Variants in ZSCAN12 observed in about 807,000 individuals in gnomAD.
The protein encoded by ZSCAN12 is zinc finger and SCAN domain-containing protein 12.
A neutral mutation model predicts 23.4 loss-of-function variants in ZSCAN12; 18 were observed. The ratio of observed to expected loss-of-function variants is 0.77; its 90% CI spans 0.53 to 1.14. ZSCAN12 has a LOEUF of 1.14. Among genes scored for constraint, ZSCAN12 ranks in the 50% most tolerant of loss-of-function variants. The probability of loss-of-function intolerance (pLI) is 0.00; values close to 1 mark genes in which losing one functional copy is unlikely to be tolerated. For synonymous variants in ZSCAN12, 186 were observed against 253.4 expected, an observed-to-expected ratio of 0.73 and a Z score of 2.53; for missense variants, 650 against 735.0, an observed-to-expected ratio of 0.88 and a Z score of 1.34.
chr6:28,393,078 A>G (rs554182025), intron 2 of ZSCAN12, 32 bp from the exon 3 acceptor site: 123 of 1,547,196 alleles, frequency 7.9e-5, no homozygotes, highest in South Asian at 7.0e-4. Context: ...TGACAGACTC[A>G]CTCTGATAAC....
In ZSCAN12 at chr6:28,390,864, T is replaced by C. The variant is rs199534147; in HGVS notation, c.1426A>G (p.Lys476Glu). ...EKPYKCDVCE[K>E]AFIQRTSLTE... ...AGACTTGTCCTTTGAATAAAGGCTT[T>C]TTCACATACGTCACATTTGTAGGGT... Residue 476 changes from lysine to glutamate, a missense_variant, in exon 4 of 4, where the codon AAA (lysine) becomes GAA (glutamate). Coordinates refer to ENST00000684592, the MANE Select transcript of ZSCAN12 (RefSeq NM_001163391.2). 5.6e-5 allele frequency: 88 copies of C among 1,580,044 alleles called. No individual in the cohort carries two copies. Among genetic ancestry groups the C allele is most frequent in the Non-Finnish European group, 4.0e-5 (47 of 1,162,406 alleles).
Position 28,390,974 on chromosome 6 carries a change from T to C in ZSCAN12, c.1316A>G (p.Glu439Gly). ...LVSHQEIHHK[E>G]KCYQCKECGK... The stretch of plus-strand genomic sequence containing the variant: ...ACATTCCTTACACTGATAGCATTTT[T>C]CTTTGTGGTGGATTTCCTGATGGGA... Residue 439 changes from glutamate to glycine, a missense_variant, in exon 4 of 4, where the codon GAA (glutamate) becomes GGA (glycine). Transcript: ENST00000684592. The C allele has an allele frequency of 1.9e-6, 3 of 1,555,384 alleles. No individual in the cohort carries two copies. The highest frequency in any genetic ancestry group is 2.6e-6 in the Non-Finnish European group (3 of 1,149,000).
chr6:28,391,557 GTTTAT>G lies in ZSCAN12; in HGVS notation c.728_732del (p.Asp243AlafsTer5), dbSNP rs1478763595. ...ACTCCATTTTCATCACAGGTAGGTT[GTTTAT>G]CTTCTCTGGAGCAAGCAGAGGGCTC... On this transcript the variant is annotated frameshift_variant, in exon 4 of 4. Coordinates refer to ENST00000684592, the MANE Select transcript of ZSCAN12 (RefSeq NM_001163391.2). LOFTEE classifies it low-confidence loss of function (END_TRUNC). This position sits in a 1 kb window ranked among gnomAD's most constrained non-coding sequence, Gnocchi z 4.1. 1.4e-5 allele frequency: 21 copies of G among 1,552,260 alleles called. No homozygotes were observed. The highest frequency in any genetic ancestry group is 1.8e-5 in the Non-Finnish European group (21 of 1,147,116).
At position 28,384,825 on chromosome 6, in the gene ZSCAN12, C is replaced by T. The variant is rs760846898; in HGVS notation, c.*5629G>A. On this transcript the variant is annotated 3_prime_UTR_variant, in exon 4 of 4. Transcript: ENST00000684592. ...GACTCCTTACCAAACGCACACAGAA[C>T]GTTTGAGAGGGAGAGGATCCAAAGA... 9.2e-5 allele frequency among the ~76,000 whole-genome samples: 14 copies of T among 152,116 alleles called. No homozygotes were observed. The East Asian group carries it at 2.3e-3, about 25-fold the overall frequency.
Position 28,385,645 on chromosome 6 carries a change from G to A in ZSCAN12, c.*4809C>T, listed in dbSNP as rs1293623150. 6.6e-6 allele frequency among the ~76,000 whole-genome samples: 1 copy of A among 152,192 alleles called. No homozygotes were observed. The highest frequency in any genetic ancestry group is 1.5e-5 in the Non-Finnish European group (1 of 68,022). ...GACCACATACTAACTTCGGGACCTT[G>A]AGCAGCTTTAGATTATCTATTTCAG... On this transcript the variant is annotated 3_prime_UTR_variant, in exon 4 of 4. Coordinates refer to ENST00000684592, the MANE Select transcript of ZSCAN12 (RefSeq NM_001163391.2).
chr6:28,391,620 C>A lies in ZSCAN12; in HGVS notation c.670G>T (p.Gly224Ter). 3.2e-6 allele frequency: 5 copies of A among 1,552,230 alleles called. No individual in the cohort carries two copies. Among genetic ancestry groups the A allele is most frequent in the Non-Finnish European group, 4.4e-6 (5 of 1,147,140 alleles). ...ATTTCTTCAGGTTCACGAGTTTCTC[C>A]ACACCTAGCAGACTTGGACATATCA... ...ENDMSKSARC[G>*]ETREPEEITE... Residue 224 changes from glycine to a stop codon, truncating the protein, a stop_gained, in exon 4 of 4, where the codon GGA (glycine) becomes TGA (stop). Coordinates refer to ENST00000684592, the MANE Select transcript of ZSCAN12 (RefSeq NM_001163391.2). LOFTEE classifies it low-confidence loss of function (END_TRUNC). This position sits in a 1 kb window ranked among gnomAD's most constrained non-coding sequence, Gnocchi z 4.1.
chr6:28,390,386 C>CA lies in ZSCAN12; in HGVS notation c.*67dup. ...AACAATGGTGACTGAAGTTTTGCCC[C>CA]AATAATTGTAAAGCTAAATAGTATT... On this transcript the variant is annotated 3_prime_UTR_variant, in exon 4 of 4. Coordinates refer to ENST00000684592, the MANE Select transcript of ZSCAN12 (RefSeq NM_001163391.2). 7.5e-7 allele frequency: 1 copy of CA among 1,340,650 alleles called. No homozygotes were observed. The highest frequency in any genetic ancestry group is 1.0e-6 in the Non-Finnish European group (1 of 1,002,742). The allele number at this position is 1,340,650 out of a possible 1,614,324, so 83.0% of individuals were successfully genotyped here.
downstream of ZSCAN12, chr6:28,382,384 T>A (rs1452328186): frequency 2.1e-6 from 3 of 1,436,158 alleles, no homozygotes; most frequent in Admixed American, 8.4e-5. Context: ...CAGGTAGCTA[T>A]CTCCAGAGAG....
Position 28,385,343 on chromosome 6 carries a change from A to C in ZSCAN12, c.*5111T>G, listed in dbSNP as rs1307772600. ...TGACACCCTCACTGTGCAGGCAACA[A>C]GAAGTAGAGCTGTTTATGCTGGCCA... On this transcript the variant is annotated 3_prime_UTR_variant, in exon 4 of 4. Transcript: ENST00000684592. 1.3e-5 allele frequency among the ~76,000 whole-genome samples: 2 copies of C among 152,202 alleles called. No individual in the cohort carries two copies. Among genetic ancestry groups the C allele is most frequent in the Non-Finnish European group, 2.9e-5 (2 of 68,030 alleles).
Position 28,387,531 on chromosome 6 carries a change from C to T in ZSCAN12, c.*2923G>A, listed in dbSNP as rs1760609247. Among the ~76,000 whole-genome samples the T allele has an allele frequency of 6.6e-6, 1 of 152,186 alleles. No individual in the cohort carries two copies. Among genetic ancestry groups the T allele is most frequent in the African/African-American group, 2.4e-5 (1 of 41,442 alleles). ...GGTTCTCATCACTAAGTAAAGTCCC[C>T]TCCACTGAGAAGAGTTTCTAACAGT... On this transcript the variant is annotated 3_prime_UTR_variant, in exon 4 of 4. Coordinates refer to ENST00000684592, the MANE Select transcript of ZSCAN12 (RefSeq NM_001163391.2).
downstream of ZSCAN12, chr6:28,381,681 T>TGC (rs1760252850): frequency 6.6e-6 from 1 of 152,206 alleles, no homozygotes; most frequent in Non-Finnish European, 1.5e-5. Flanking sequence ...TCTCCAGAGA[T>TGC]GCTCTCTCAT....
At chr6:28,393,188 AATATAAAT>A in intron 2 of ZSCAN12, 142 bp from the exon 3 acceptor site, 1 of 842,284 alleles carries the variant, frequency 1.2e-6, no homozygotes, top group Non-Finnish European at 1.8e-6. Flanking sequence ...CTTCAAGGCC[AATATAAAT>A]GTCGCCTCCT....
intron 1 of ZSCAN12, among the ~76,000 whole-genome samples, chr6:28,399,265 G>A (rs114478973): frequency 2.2e-4 from 34 of 152,314 alleles, no homozygotes; most frequent in African/African-American, 7.9e-4. Flanking sequence ...GGCTGAAGAG[G>A]TTACTCTTTA....
intron 1 of ZSCAN12, among the ~76,000 whole-genome samples, chr6:28,399,400 A>G (rs1014982400): frequency 2.6e-5 from 4 of 152,234 alleles, no homozygotes; most frequent in African/African-American, 9.7e-5. Flanking sequence ...GTAAGCGCTG[A>G]ACCCAAGGAT....
rs910703513 is a variant in ZSCAN12 at position 28,388,292 on chromosome 6, G to A, written c.*2162C>T. ...TAAGTTGTTTTTCAACTGTTCATTT[G>A]CCTTTCTCTCTTGTGAACTCAAGAA... On this transcript the variant is annotated 3_prime_UTR_variant, in exon 4 of 4. Transcript: ENST00000684592. 1.3e-5 allele frequency among the ~76,000 whole-genome samples: 2 copies of A among 152,098 alleles called. No individual in the cohort carries two copies. Among genetic ancestry groups the A allele is most frequent in the African/African-American group, 4.8e-5 (2 of 41,412 alleles).
chr6:28,390,304 C>T lies in ZSCAN12; in HGVS notation c.*150G>A, dbSNP rs116149050. ...GGTTATCTTCTTGTTCTCCACAGCACGTAGTACAATGGGCAGCACACAGTG... is the reference window on the plus strand; with the variant it reads ...GGTTATCTTCTTGTTCTCCACAGCATGTAGTACAATGGGCAGCACACAGTG... On this transcript the variant is annotated 3_prime_UTR_variant, in exon 4 of 4. Transcript: ENST00000684592. 3.9e-3 allele frequency: 2,145 copies of T among 548,862 alleles called. 40 individuals carry two copies. Among genetic ancestry groups the T allele is most frequent in the African/African-American group, 0.036 (1,894 of 52,282 alleles). The allele number at this position is 548,862 out of a possible 1,614,324, so 34.0% of individuals were successfully genotyped here.
chr6:28,390,558 G>T lies in ZSCAN12; in HGVS notation c.1732C>A (p.Arg578Ser), dbSNP rs1416918. The T allele has an allele frequency of 6.3e-7, 1 of 1,578,328 alleles. No individual in the cohort carries two copies. The highest frequency in any genetic ancestry group is 8.6e-7 in the Non-Finnish European group (1 of 1,162,118). The stretch of plus-strand genomic sequence containing the variant: ...CACTCTTTACATACATAGGTACCAC[G>T]TCTATTATGGATTCTCTGGTGTTTA... Reference protein sequence around the residue: ...LSKHQRIHNRRGTYVCKECGK... With the variant: ...LSKHQRIHNRSGTYVCKECGK... The change falls in exon 4 of 4, where the codon CGT (arginine) becomes AGT (serine). Residue 578 changes from arginine (R) to serine (S), a missense_variant. Transcript: ENST00000684592.
intron 2 of ZSCAN12, 66 bp from the exon 3 acceptor site, chr6:28,393,112 G>C: frequency 1.3e-6 from 2 of 1,506,504 alleles, no homozygotes; most frequent in East Asian, 4.9e-5. Context: ...TATACTATTT[G>C]TGGCAGTGGC....
rs564337320 is a variant in ZSCAN12, at chr6:28,390,652, G to A, written c.1638C>T (p.Ile546=). Residue 546 remains isoleucine (I), a synonymous_variant, in exon 4 of 4, where the codon ATC becomes ATT. Transcript: ENST00000684592. ...ATTGGTAGGGCTTCTCCCCAGTGTG[G>A]ATTCTCTGATGCTGAATGAGGCTGG... ...GITSLIQHQR[I]HTGEKPYQCD... is the part of the protein sequence containing the mutation. The A allele has an allele frequency of 6.2e-7, 1 of 1,613,208 alleles. No homozygotes were observed. Among genetic ancestry groups the A allele is most frequent in the South Asian group, 1.1e-5 (1 of 90,924 alleles).
Sources: gnomAD v4.1 joint callset for allele counts (sites outside exome capture counted in the v4.1 genomes callset) on GRCh38, gnomAD v4.1.1 for gene constraint, Gnocchi (gnomAD v3.1) non-coding constraint, MANE v1.5 for transcripts, NCBI Gene and HGNC (gene_info 2026-07-23, HGNC 2026-07-21) for gene names.